Variants in EML2 observed in about 807,000 individuals in gnomAD.
EML2 encodes the protein EMAP like 2.
EML2 carries 59 observed loss-of-function variants against 84.7 expected under a neutral mutation model. The observed-to-expected ratio is 0.70, with a 90% CI of 0.56 to 0.86. The LOEUF (loss-of-function observed/expected upper bound fraction) is 0.86. Among genes scored for constraint, EML2 ranks in the 40% least tolerant of loss-of-function variants. The probability of loss-of-function intolerance (pLI) is 0.00; values close to 1 mark genes in which losing one functional copy is unlikely to be tolerated. For synonymous variants in EML2, 352 were observed against 348.9 expected (o/e 1.01, Z -0.10); for missense variants, 818 against 855.6 (o/e 0.96, Z 0.55).
chr19:45,641,075 A>G (rs530486519), upstream of EML2: 4 of 153,674 alleles, frequency 2.6e-5, no homozygotes, highest in South Asian at 7.6e-4. Context: ...ACCTCTTGGC[A>G]TTTGACCACG....
intron 6 of EML2, among the ~76,000 whole-genome samples, chr19:45,631,331 G>T (rs1325595191): frequency 6.6e-6 from 1 of 152,130 alleles, no homozygotes; most frequent in Non-Finnish European, 1.5e-5. Context: ...CTGTGCAGGA[G>T]ACTGGCTGTT....
At chr19:45,616,966 C>A (rs1035246069) in intron 13 of EML2, 113 bp from the exon 14 acceptor site, 1 of 781,338 alleles carries the variant, frequency 1.3e-6, no homozygotes, top group South Asian at 1.5e-5. Context: ...GTGACCTGGG[C>A]TGGGCACGGT....
intron 3 of EML2, among the ~76,000 whole-genome samples, chr19:45,635,800 C>A (rs573376799): frequency 2.8e-4 from 43 of 151,476 alleles, no homozygotes; most frequent in African/African-American, 1.0e-3. Flanking sequence ...CCATGTTGGT[C>A]ACGCTGGTCT....
chr19:45,614,735 G>C (rs1210696672), intron 16 of EML2, 35 bp from the exon 17 acceptor site: 1 of 1,543,638 alleles, frequency 6.5e-7, no homozygotes, highest in Non-Finnish European at 9.0e-7. Context: ...ATTCAGAGTT[G>C]GAAGAACTAC....
chr19:45,613,524 C>A lies in EML2; in HGVS notation c.1824+17G>T. On this transcript the variant is annotated intron_variant, in intron 18 of 18. Coordinates refer to ENST00000245925, the MANE Select transcript of EML2 (RefSeq NM_012155.4). ...GCTTGCTACCCCCGTCCATCCCCAT[C>A]TCCCCAAGGGACTCACTCGAGGCTG... 1 of 1,611,814 alleles carries A rather than the reference C, an allele frequency of 6.2e-7. No individual in the cohort carries two copies. The highest frequency in any genetic ancestry group is 8.5e-7 in the Non-Finnish European group (1 of 1,178,416).
At chr19:45,637,656 CTT>C (rs1973898530) in intron 3 of EML2, among the ~76,000 whole-genome samples, 6 of 98,842 alleles carry the variant, frequency 6.1e-5, no homozygotes, top group Non-Finnish European at 1.0e-4. Flanking sequence ...TTTTTTTTTT[CTT>C]TTTCTTTTCT....
intron 12 of EML2, among the ~76,000 whole-genome samples, chr19:45,618,070 A>G (rs1384900272): frequency 6.6e-6 from 1 of 151,564 alleles, no homozygotes; most frequent in African/African-American, 2.4e-5. Context: ...TTAAATTTTT[A>G]TTTATTTTTT....
upstream of EML2, chr19:45,639,453 C>G: frequency 1.6e-6 from 2 of 1,225,632 alleles, no homozygotes; most frequent in South Asian, 4.1e-5. Context: ...GGGAGGCGCC[C>G]GGGCCGCCGC....
chr19:45,639,554 T>C, upstream of EML2: 1 of 509,606 alleles, frequency 2.0e-6, no homozygotes, highest in Non-Finnish European at 3.0e-6. Context: ...TCCCAGGTTC[T>C]TTCGGGGTGG....
chr19:45,637,894 C>A (rs994570869), intron 3 of EML2, among the ~76,000 whole-genome samples: 5 of 152,008 alleles, frequency 3.3e-5, no homozygotes, highest in Non-Finnish European at 4.4e-5. Context: ...TCAGGCTGGT[C>A]TCAAACTCCT....
chr19:45,641,766 G>T (rs748239462), upstream of EML2: 33 of 1,535,738 alleles, frequency 2.1e-5, no homozygotes, highest in Non-Finnish European at 2.6e-5. Context: ...AGAGCACACA[G>T]GTGGGGGCAG....
At chr19:45,642,417 C>T (rs1339320582), upstream of EML2, 4 of 1,491,510 alleles carry the variant, frequency 2.7e-6, no homozygotes, top group East Asian at 5.0e-5. Context: ...GGGGTCCCTC[C>T]CGCCTTCCTG....
upstream of EML2, chr19:45,642,154 C>A: frequency 1.3e-6 from 2 of 1,513,352 alleles, no homozygotes; most frequent in Non-Finnish European, 1.8e-6. Context: ...GGTGCCTAAG[C>A]GCGGAGGCGC....
At position 45,621,278 on chromosome 19, in the gene EML2, G is replaced by C; in HGVS notation, c.1051C>G (p.Leu351Val). 3 of 1,613,690 alleles carry C rather than the reference G, an allele frequency of 1.9e-6. No homozygotes were observed. The highest frequency in any genetic ancestry group is 2.2e-5 in the South Asian group (2 of 91,060). The change falls in exon 11 of 19, where the codon CTG becomes GTG. Residue 351 changes from leucine (L) to valine (V), a missense_variant. Physicochemically the swap from Leu to Val is conservative, Grantham distance 32 (BLOSUM62 1). Transcript: ENST00000245925. The part of the protein sequence containing the change: ...RTVAEGHGDT[L>V]YVGTTRNSIL... ...GAATTGCGGGTGGTCCCCACGTACA[G>C]TGTGTCTCCGTGGCCCTCTGCCACG...
In EML2 at chr19:45,616,470, G is replaced by C. The variant is rs376045352; in HGVS notation, c.1500C>G (p.Gly500=). ...DQGGRKVSRL[G]KCSGHSSFIT... ...GCCACTGCCCACTCACCGAGCACTT[G>C]CCCAGGCGGCTGACCTTGCGGCCGC... Residue 500 remains glycine, a synonymous_variant, in exon 15 of 19, where the codon GGC becomes GGG. Transcript: ENST00000245925. The C allele has an allele frequency of 1.3e-6, 2 of 1,589,046 alleles. No individual in the cohort carries two copies. Among genetic ancestry groups the C allele is most frequent in the African/African-American group, 2.7e-5 (2 of 74,390 alleles).
intron 15 of EML2, chr19:45,616,255 C>A (rs1252366621): frequency 3.9e-6 from 2 of 517,738 alleles, no homozygotes; most frequent in Admixed American, 3.6e-5. Flanking sequence ...CACAGATGGG[C>A]TTAGCACGTG....
intron 12 of EML2, 94 bp downstream of exon 12, chr19:45,618,966 C>G: frequency 7.7e-7 from 1 of 1,298,942 alleles, no homozygotes; most frequent in East Asian, 2.7e-5. Flanking sequence ...AAAAAAAAGA[C>G]CTTGTTTGGT....
At chr19:45,642,430 T>A, upstream of EML2, 1 of 1,473,382 alleles carries the variant, frequency 6.8e-7, no homozygotes. Context: ...CCTTCCTGGG[T>A]CTAAGCGGGG....
chr19:45,630,850 T>C (rs768289777), intron 6 of EML2, among the ~76,000 whole-genome samples: 7 of 152,136 alleles, frequency 4.6e-5, no homozygotes, highest in African/African-American at 7.2e-5. Context: ...TTTTTGTTTG[T>C]TTTTTATTTT....
Sources: gnomAD v4.1 joint callset for allele counts (sites outside exome capture counted in the v4.1 genomes callset) on GRCh38, gnomAD v4.1.1 for gene constraint, MANE v1.5 for transcripts, NCBI Gene and HGNC (gene_info 2026-07-23, HGNC 2026-07-21) for gene names.